ATP2B2: variants seen among roughly 807,000 people sequenced by gnomAD.
The protein encoded by ATP2B2 is ATPase plasma membrane Ca2+ transporting 2.
Under a neutral mutation model 120.0 loss-of-function variants are expected in ATP2B2, and 15 were observed. The observed-to-expected ratio is 0.12, with a 90% confidence interval of 0.08 to 0.19. ATP2B2 has a LOEUF of 0.19. Among genes scored for constraint, ATP2B2 ranks in the 10% least tolerant of loss-of-function variants. The probability of loss-of-function intolerance (pLI) is 1.00; values close to 1 mark genes in which losing one functional copy is unlikely to be tolerated. For missense variants in ATP2B2, 1,045 were observed against 1,719.8 expected (o/e 0.61, Z 6.94); for synonymous variants, 694 against 700.3 (o/e 0.99, Z 0.14).
chr3:10,649,350 T>C (rs1349088252), intron 1 of ATP2B2, among the ~76,000 whole-genome samples: 1 of 152,226 alleles, frequency 6.6e-6, no homozygotes, highest in Non-Finnish European at 1.5e-5. Context: ...GAAAATTATA[T>C]TGGATACCAC....
At chr3:10,408,762 C>T (rs144805424) in intron 3 of ATP2B2, among the ~76,000 whole-genome samples, 7 of 152,188 alleles carry the variant, frequency 4.6e-5, no homozygotes, top group African/African-American at 1.2e-4. Flanking sequence ...ACACATGAGG[C>T]GCTCGGTCCA....
At chr3:10,667,128 G>A (rs1416563900) in intron 1 of ATP2B2, among the ~76,000 whole-genome samples, 3 of 152,190 alleles carry the variant, frequency 2.0e-5, no homozygotes, top group Non-Finnish European at 2.9e-5. Flanking sequence ...AGAATGAAGG[G>A]ACTGGGCAGG....
At chr3:10,357,790 C>T (rs1316667254) in intron 14 of ATP2B2, among the ~76,000 whole-genome samples, 2 of 152,152 alleles carry the variant, frequency 1.3e-5, no homozygotes, top group East Asian at 1.9e-4. Flanking sequence ...CCTGGGGCCT[C>T]ACAGTGTGAG....
At chr3:10,662,774 T>A (rs1015995191) in intron 1 of ATP2B2, among the ~76,000 whole-genome samples, 1 of 152,048 alleles carries the variant, frequency 6.6e-6, no homozygotes, top group African/African-American at 2.4e-5. Context: ...ATCATGCTGC[T>A]ATAAAGACAT....
intron 2 of ATP2B2, among the ~76,000 whole-genome samples, chr3:10,534,742 G>A (rs2067275283): frequency 6.6e-6 from 1 of 151,990 alleles, no homozygotes; most frequent in African/African-American, 2.4e-5. Context: ...TATTTTTCAG[G>A]ATTTTTGTGA....
At chr3:10,655,647 C>A (rs6795552) in intron 1 of ATP2B2, among the ~76,000 whole-genome samples, 1 of 152,116 alleles carries the variant, frequency 6.6e-6, no homozygotes, top group Non-Finnish European at 1.5e-5. Flanking sequence ...GAAGAACAGG[C>A]CCCATGTCCC....
chr3:10,701,615 ATT>A (rs1203099332), intron 1 of ATP2B2, among the ~76,000 whole-genome samples: 1,526 of 143,178 alleles, frequency 0.011, 23 homozygotes, highest in African/African-American at 0.036. Flanking sequence ...TGAGGATGCA[ATT>A]TTTTTTTTTT....
intron 1 of ATP2B2, among the ~76,000 whole-genome samples, chr3:10,485,803 C>G (rs1262196139): frequency 6.6e-6 from 1 of 152,112 alleles, no homozygotes; most frequent in Non-Finnish European, 1.5e-5. Context: ...CTTCCTGGCT[C>G]TGGCTCAGGG....
intron 2 of ATP2B2, among the ~76,000 whole-genome samples, chr3:10,585,330 C>T (rs1002575141): frequency 8.2e-6 from 1 of 122,438 alleles, no homozygotes; most frequent in African/African-American, 3.1e-5. Flanking sequence ...CCCATCTCTA[C>T]TAAAAATACA....
chr3:10,405,346 GCACT>G (rs2062373272), intron 3 of ATP2B2, among the ~76,000 whole-genome samples: 3 of 152,178 alleles, frequency 2.0e-5, no homozygotes, highest in Admixed American at 1.3e-4. Flanking sequence ...GCCTTGGAGG[GCACT>G]CACTCTGCCA....
chr3:10,375,669 G>C lies in ATP2B2; in HGVS notation c.1202-25C>G, dbSNP rs777477869. 1.2e-6 allele frequency: 2 copies of C among 1,606,718 alleles called. No individual in the cohort carries two copies. Among genetic ancestry groups the C allele is most frequent in the East Asian group, 2.2e-5 (1 of 44,806 alleles). Reference sequence around the variant, plus strand: ...CCTGCAATGTGAGGGACACATGCTTGGGGGGTTCCAGGAAGTGGAGGCTGG... The same window carrying C: ...CCTGCAATGTGAGGGACACATGCTTCGGGGGTTCCAGGAAGTGGAGGCTGG... On this transcript the variant is annotated intron_variant, in intron 10 of 22. Transcript: ENST00000360273. This position sits in a 1 kb window ranked among gnomAD's most constrained non-coding sequence, Gnocchi z 4.2.
At chr3:10,357,983 G>C (rs1044489978) in intron 14 of ATP2B2, among the ~76,000 whole-genome samples, 5 of 152,236 alleles carry the variant, frequency 3.3e-5, no homozygotes, top group African/African-American at 1.2e-4. Context: ...AGCTAAAGGA[G>C]AATGAAGACC....
chr3:10,381,987 A>C (rs1275949456), intron 8 of ATP2B2, among the ~76,000 whole-genome samples: 1 of 152,122 alleles, frequency 6.6e-6, no homozygotes, highest in Non-Finnish European at 1.5e-5. Flanking sequence ...ATATCAACTA[A>C]GGTGATGTTT....
intron 1 of ATP2B2, among the ~76,000 whole-genome samples, chr3:10,699,912 T>G (rs2071791405): frequency 6.6e-6 from 1 of 152,196 alleles, no homozygotes; most frequent in Non-Finnish European, 1.5e-5. Flanking sequence ...GCTCTTGGAC[T>G]TCTCAGTCTT....
chr3:10,588,410 A>G (rs894835214), intron 2 of ATP2B2, among the ~76,000 whole-genome samples: 1 of 152,306 alleles, frequency 6.6e-6, no homozygotes, highest in African/African-American at 2.4e-5. Flanking sequence ...GTGGGCACTC[A>G]CCAATATTTG....
At chr3:10,602,422 G>T (rs2068949510) in intron 2 of ATP2B2, among the ~76,000 whole-genome samples, 1 of 152,160 alleles carries the variant, frequency 6.6e-6, no homozygotes, top group Non-Finnish European at 1.5e-5. Flanking sequence ...CATGGTGCCT[G>T]CATCCTTTCA....
At chr3:10,583,797 C>T (rs1299876049) in intron 2 of ATP2B2, among the ~76,000 whole-genome samples, 1 of 152,154 alleles carries the variant, frequency 6.6e-6, no homozygotes, top group Non-Finnish European at 1.5e-5. Flanking sequence ...ACCCTGTTTC[C>T]CACTGCAAGG....
chr3:10,688,072 T>G (rs1039831643), intron 1 of ATP2B2, among the ~76,000 whole-genome samples: 2 of 152,164 alleles, frequency 1.3e-5, no homozygotes, highest in African/African-American at 4.8e-5. Context: ...ATGACCCCTA[T>G]GAGGAAGTTA....
chr3:10,486,705 A>G (rs528797530), intron 1 of ATP2B2, among the ~76,000 whole-genome samples: 1 of 152,148 alleles, frequency 6.6e-6, no homozygotes, highest in East Asian at 1.9e-4. Context: ...CCCAGCTGGA[A>G]TTATTGTTAT....
Sources: allele counts gnomAD v4.1 joint callset (sites outside exome capture counted in the v4.1 genomes callset), GRCh38; gene constraint gnomAD v4.1.1; non-coding constraint Gnocchi (gnomAD v3.1); transcripts MANE v1.5; gene names NCBI Gene and HGNC (gene_info 2026-07-23, HGNC 2026-07-21).